Variants in ACTN2 observed in about 807,000 individuals in gnomAD.
ACTN2 encodes the protein alpha-actinin-2.
In ACTN2, 39 loss-of-function variants were observed where a neutral mutation model predicts 113.8. That is an observed-to-expected ratio of 0.34 (90% CI 0.27 to 0.45). ACTN2 has a LOEUF of 0.45. Among genes scored for constraint, ACTN2 ranks in the 20% least tolerant of loss-of-function variants. The probability of loss-of-function intolerance (pLI) is 1.00; values close to 1 mark genes in which losing one functional copy is unlikely to be tolerated. For synonymous variants in ACTN2, 429 were observed against 444.1 expected, an observed-to-expected ratio of 0.97 and a Z score of 0.43; for missense variants, 992 against 1,177.9, an observed-to-expected ratio of 0.84 and a Z score of 2.31.
chr1:236,696,609 C>T (rs879702158), intron 1 of ACTN2, among the ~76,000 whole-genome samples: 4 of 151,656 alleles, frequency 2.6e-5, no homozygotes, highest in Admixed American at 2.0e-4. Context: ...ATTTTGACCT[C>T]CAAAAATTAC....
intron 4 of ACTN2, among the ~76,000 whole-genome samples, chr1:236,722,512 G>C (rs1658426162): frequency 6.6e-6 from 1 of 151,520 alleles, no homozygotes; most frequent in Admixed American, 6.6e-5. Flanking sequence ...GCATGTGCCT[G>C]TAATCCCAGC....
chr1:236,731,342 T>TA, intron 7 of ACTN2, 28 bp downstream of exon 7: 1 of 1,587,616 alleles, frequency 6.3e-7, no homozygotes, highest in Middle Eastern at 1.7e-4. Flanking sequence ...TTTGCTGAGT[T>TA]ACAGGAAATT....
rs1659487555 is a variant in ACTN2, at chr1:236,754,270, A to C, written c.1974+189A>C. Among the ~76,000 whole-genome samples the C allele has an allele frequency of 1.3e-5, 2 of 152,198 alleles. No individual in the cohort carries two copies. The highest frequency in any genetic ancestry group is 4.1e-4 in the South Asian group (2 of 4,834). ...GGGGACAGTGTGCAAACCAGAGCAC[A>C]ATATGGAATGCAGGAAGGCGGCACT... On this transcript the variant is annotated intron_variant, in intron 16 of 20. Coordinates refer to ENST00000366578, the MANE Select transcript of ACTN2 (RefSeq NM_001103.4). This position sits in a 1 kb window ranked among gnomAD's most constrained non-coding sequence, Gnocchi z 4.9.
chr1:236,747,832 A>C, intron 13 of ACTN2, 57 bp downstream of exon 13: 1 of 1,289,562 alleles, frequency 7.8e-7, no homozygotes, highest in Non-Finnish European at 1.1e-6. Flanking sequence ...CTCTTTAATT[A>C]AATCACTGGT....
chr1:236,746,030 G>A (rs1484278332), intron 12 of ACTN2, among the ~76,000 whole-genome samples: 2 of 151,760 alleles, frequency 1.3e-5, no homozygotes, highest in African/African-American at 2.4e-5. Context: ...GCCAGGCATG[G>A]TGGCGGGCAC....
At chr1:236,697,466 C>T (rs985999483) in intron 1 of ACTN2, among the ~76,000 whole-genome samples, 1 of 152,128 alleles carries the variant, frequency 6.6e-6, no homozygotes, top group African/African-American at 2.4e-5. Flanking sequence ...AGAGGATCTA[C>T]CCAGAAGGCA....
At chr1:236,694,402 T>C (rs1268542009) in intron 1 of ACTN2, among the ~76,000 whole-genome samples, 1 of 151,874 alleles carries the variant, frequency 6.6e-6, no homozygotes, top group East Asian at 1.9e-4. Flanking sequence ...TTTTTATTTT[T>C]AGTAGAGACG....
At chr1:236,722,249 A>G (rs922328141) in intron 4 of ACTN2, among the ~76,000 whole-genome samples, 5 of 152,158 alleles carry the variant, frequency 3.3e-5, no homozygotes, top group African/African-American at 1.2e-4. Flanking sequence ...GATGTGTGGT[A>G]TGTTGAAAAA....
At chr1:236,715,737 C>G (rs1032412892) in intron 1 of ACTN2, among the ~76,000 whole-genome samples, 1 of 152,114 alleles carries the variant, frequency 6.6e-6, no homozygotes, top group African/African-American at 2.4e-5. Flanking sequence ...AGATGGATCA[C>G]CTGAAGTCAG....
intron 4 of ACTN2, among the ~76,000 whole-genome samples, chr1:236,722,634 CA>C (rs35608028): frequency 0.057 from 6,366 of 111,932 alleles, 325 homozygotes; most frequent in African/African-American, 0.16. Flanking sequence ...GACTCCGTCT[CA>C]AAAAAAAAAA....
At chr1:236,739,887 G>A (rs151147876) in intron 10 of ACTN2, among the ~76,000 whole-genome samples, 19 of 151,778 alleles carry the variant, frequency 1.3e-4, no homozygotes, top group Admixed American at 2.6e-4. Context: ...TCTCACCTTC[G>A]CAAAGTCTGA....
At chr1:236,712,897 T>C (rs1558229397) in intron 1 of ACTN2, among the ~76,000 whole-genome samples, 1 of 149,102 alleles carries the variant, frequency 6.7e-6, no homozygotes. Context: ...GTTTATCTCA[T>C]TATATGTTCT....
At chr1:236,738,277 G>A (rs1022919004) in intron 9 of ACTN2, among the ~76,000 whole-genome samples, 13 of 152,384 alleles carry the variant, frequency 8.5e-5, no homozygotes, top group African/African-American at 2.4e-4. Context: ...CCAAAGTGCC[G>A]GGATTATTGG....
chr1:236,696,958 G>A (rs548407643), intron 1 of ACTN2, among the ~76,000 whole-genome samples: 18 of 145,884 alleles, frequency 1.2e-4, no homozygotes, highest in Non-Finnish European at 7.6e-5. Context: ...CACCGTGCCC[G>A]GCCATTGTTG....
intron 15 of ACTN2, among the ~76,000 whole-genome samples, chr1:236,752,736 A>G (rs1366973543): frequency 7.2e-6 from 1 of 138,408 alleles, no homozygotes; most frequent in Non-Finnish European, 1.6e-5. Context: ...TATTTTTGAT[A>G]GAGATGAGGT....
intron 2 of ACTN2, 40 bp from the exon 3 acceptor site, chr1:236,718,854 A>G (rs780724098): frequency 3.7e-6 from 6 of 1,614,068 alleles, no homozygotes; most frequent in South Asian, 3.3e-5. Flanking sequence ...TCAAGAGGTC[A>G]CTGTCTCTAT....
chr1:236,750,832 T>C (rs1171669774), intron 14 of ACTN2, among the ~76,000 whole-genome samples: 1 of 152,058 alleles, frequency 6.6e-6, no homozygotes, highest in Non-Finnish European at 1.5e-5. Context: ...CTCATACCTG[T>C]AATCCCAACA....
intron 1 of ACTN2, among the ~76,000 whole-genome samples, chr1:236,709,255 TACACACAC>T (rs372642966): frequency 2.9e-4 from 20 of 68,912 alleles, no homozygotes; most frequent in African/African-American, 1.0e-3. Flanking sequence ...TATATATATA[TACACACAC>T]ACACACACAT....
chr1:236,707,030 A>T (rs1465465703), intron 1 of ACTN2, among the ~76,000 whole-genome samples: 1 of 152,240 alleles, frequency 6.6e-6, no homozygotes, highest in Non-Finnish European at 1.5e-5. Flanking sequence ...TTGCCTTTTT[A>T]CAAGAGTTAA....
Sources: gnomAD v4.1 joint callset for allele counts (sites outside exome capture counted in the v4.1 genomes callset) on GRCh38, gnomAD v4.1.1 for gene constraint, Gnocchi (gnomAD v3.1) non-coding constraint, MANE v1.5 for transcripts, NCBI Gene and HGNC (gene_info 2026-07-23, HGNC 2026-07-21) for gene names.